NBAS: variants seen among roughly 807,000 people sequenced by gnomAD.
NBAS encodes NAG/BC035112 fusion.
NBAS carries 219 observed loss-of-function variants against 302.5 expected under a neutral mutation model. That is an observed-to-expected ratio of 0.72 (90% CI 0.65 to 0.81). The LOEUF is 0.81. NBAS is among the 30% of genes least tolerant of loss of function. NBAS has a pLI of 0.00. For missense variants in NBAS, 2,932 were observed against 2,841.6 expected (o/e 1.03, Z -0.72); for synonymous variants, 1,118 against 1,021.6 (o/e 1.09, Z -1.80).
At chr2:14,950,320 C>T in the NBAS span, among the ~76,000 whole-genome samples, 7 of 152,162 alleles carry the variant, frequency 4.6e-5, no homozygotes, top group Non-Finnish European at 7.3e-5. Context: ...CAATCTCATC[C>T]AGGTCATTGC....
In NBAS at chr2:15,292,687, A is replaced by G. The variant is rs928007707; in HGVS notation, c.4877T>C (p.Ile1626Thr). ...HEHEAWPEDL[I>T]SLTKQLHCYN... ...GCAGTGTAACTGCTTGGTCAGTGAA[A>G]TAAGGTCTTCAGGCCAGGCTTCGTG... is the stretch of plus-strand genomic sequence containing the variant. Residue 1626 changes from isoleucine to threonine, a missense_variant, in exon 41 of 52, where the codon ATT (isoleucine) becomes ACT (threonine). Coordinates refer to ENST00000281513, the MANE Select transcript of NBAS (RefSeq NM_015909.4). 5.0e-6 allele frequency: 8 copies of G among 1,614,218 alleles called. No homozygotes were observed. In the African/African-American group the frequency reaches 8.0e-5, roughly 16 times the overall value.
chr2:15,185,471 T>C (rs972273727), intron 50 of NBAS, among the ~76,000 whole-genome samples: 2 of 152,210 alleles, frequency 1.3e-5, no homozygotes, highest in Non-Finnish European at 2.9e-5. Context: ...GTTATTTACA[T>C]GTTGCTTACT....
chr2:15,075,009 A>G, the NBAS span, among the ~76,000 whole-genome samples: 2 of 152,208 alleles, frequency 1.3e-5, no homozygotes, highest in African/African-American at 2.4e-5. Context: ...GACAGAAACT[A>G]TCTACATTAA....
chr2:15,069,222 G>A, the NBAS span, among the ~76,000 whole-genome samples: 1 of 152,230 alleles, frequency 6.6e-6, no homozygotes, highest in Non-Finnish European at 1.5e-5. Context: ...AATTGGAAAA[G>A]AATGTGAGAA....
At chr2:14,983,475 G>A in the NBAS span, among the ~76,000 whole-genome samples, 2 of 152,074 alleles carry the variant, frequency 1.3e-5, no homozygotes, top group Non-Finnish European at 2.9e-5. Context: ...CTCACAGGGC[G>A]GCAAGGAGAA....
At chr2:15,087,257 C>CACACA in the NBAS span, among the ~76,000 whole-genome samples, 1 of 137,422 alleles carries the variant, frequency 7.3e-6, no homozygotes, top group African/African-American at 3.1e-5. Flanking sequence ...CACACACACA[C>CACACA]CCCATATTGG....
the NBAS span, among the ~76,000 whole-genome samples, chr2:15,116,109 A>T: frequency 1.3e-5 from 2 of 152,116 alleles, no homozygotes; most frequent in Admixed American, 6.5e-5. Context: ...TAACCAACTC[A>T]ATTCTCCTTG....
At chr2:15,227,763 G>C (rs1667205589) in intron 47 of NBAS, among the ~76,000 whole-genome samples, 1 of 152,154 alleles carries the variant, frequency 6.6e-6, no homozygotes. Context: ...AAATGGTGCT[G>C]AGAAAATTAG....
chr2:14,925,739 G>A, the NBAS span, among the ~76,000 whole-genome samples: 1 of 152,152 alleles, frequency 6.6e-6, no homozygotes, highest in Non-Finnish European at 1.5e-5. Flanking sequence ...ATTATCACAT[G>A]GCTAGATGTA....
At chr2:15,355,369 G>A (rs1261126640) in intron 33 of NBAS, among the ~76,000 whole-genome samples, 2 of 152,172 alleles carry the variant, frequency 1.3e-5, no homozygotes, top group African/African-American at 4.8e-5. Context: ...ACTGAAGAAT[G>A]TGTTCTTTAC....
chr2:15,387,369 T>C (rs975949832), intron 28 of NBAS, among the ~76,000 whole-genome samples: 1 of 152,184 alleles, frequency 6.6e-6, no homozygotes, highest in East Asian at 1.9e-4. Context: ...TGAATATTAA[T>C]TGTTCAGTTT....
the NBAS span, among the ~76,000 whole-genome samples, chr2:14,950,731 G>A: frequency 6.6e-6 from 1 of 152,084 alleles, no homozygotes; most frequent in African/African-American, 2.4e-5. Flanking sequence ...GCTGGGTGGT[G>A]GACAGTGAGA....
At chr2:15,561,048 T>G in intron 1 of NBAS, 140 bp downstream of exon 1, 1 of 698,102 alleles carries the variant, frequency 1.4e-6, no homozygotes, top group South Asian at 1.5e-5. Flanking sequence ...AAGGTGCCGT[T>G]GCCAAGGCGA....
chr2:14,838,798 T>C, the NBAS span, among the ~76,000 whole-genome samples: 1 of 151,932 alleles, frequency 6.6e-6, no homozygotes, highest in Non-Finnish European at 1.5e-5. Context: ...ACACATAACT[T>C]TAAGTTACTT....
At chr2:15,498,157 C>T (rs1312348711) in intron 11 of NBAS, among the ~76,000 whole-genome samples, 1 of 152,148 alleles carries the variant, frequency 6.6e-6, no homozygotes, top group Non-Finnish European at 1.5e-5. Context: ...CCATTCTCCA[C>T]TAAGTTATTT....
chr2:15,380,535 GT>G (rs1170507147), intron 29 of NBAS, among the ~76,000 whole-genome samples: 5 of 151,452 alleles, frequency 3.3e-5, no homozygotes, highest in South Asian at 2.1e-4. Flanking sequence ...ATAATGTAGA[GT>G]TTTTTAATAA....
the NBAS span, among the ~76,000 whole-genome samples, chr2:15,007,537 C>A: frequency 1.3e-5 from 2 of 151,834 alleles, no homozygotes; most frequent in African/African-American, 4.8e-5. Context: ...TTTTTCTTTG[C>A]GAACTACATA....
chr2:14,882,842 C>A, the NBAS span, among the ~76,000 whole-genome samples: 1 of 152,104 alleles, frequency 6.6e-6, no homozygotes, highest in Non-Finnish European at 1.5e-5. Flanking sequence ...TGTTAATGAT[C>A]GTGTCAAAAA....
the NBAS span, among the ~76,000 whole-genome samples, chr2:14,873,314 G>C: frequency 6.6e-6 from 1 of 152,158 alleles, no homozygotes; most frequent in African/African-American, 2.4e-5. Flanking sequence ...ACCCGATCCA[G>C]AAGCCCAACT....
Sources: gnomAD v4.1 joint callset for allele counts (sites outside exome capture counted in the v4.1 genomes callset) on GRCh38, gnomAD v4.1.1 for gene constraint, MANE v1.5 for transcripts, NCBI Gene and HGNC (gene_info 2026-07-23, HGNC 2026-07-21) for gene names.